SERPINB7: variants seen among roughly 807,000 people sequenced by gnomAD.
The protein encoded by SERPINB7 is serpin family B member 7.
Under a neutral mutation model 37.4 loss-of-function variants are expected in SERPINB7, and 31 were observed. The ratio of observed to expected loss-of-function variants is 0.83; its 90% CI spans 0.62 to 1.12. The LOEUF (loss-of-function observed/expected upper bound fraction) is 1.12, where lower values mean the gene tolerates loss of function less well. Ranked by LOEUF, SERPINB7 falls within the 50% of genes most tolerant of loss-of-function variation. The probability of loss-of-function intolerance (pLI) is 0.00; values close to 1 mark genes in which losing one functional copy is unlikely to be tolerated. For synonymous variants in SERPINB7, 163 were observed against 166.1 expected, an observed-to-expected ratio of 0.98 and a Z score of 0.14; for missense variants, 521 against 455.3, an observed-to-expected ratio of 1.14 and a Z score of -1.31.
intron 5 of SERPINB7, among the ~76,000 whole-genome samples, chr18:63,797,218 A>G (rs537859852): frequency 1.3e-5 from 2 of 152,332 alleles, no homozygotes; most frequent in African/African-American, 4.8e-5. Flanking sequence ...GTATTTACTA[A>G]GCCTAGCTGT....
chr18:63,798,156 C>T (rs1404173889), intron 5 of SERPINB7, among the ~76,000 whole-genome samples: 1 of 152,134 alleles, frequency 6.6e-6, no homozygotes, highest in African/African-American at 2.4e-5. Context: ...TAGCATCCAG[C>T]AAAAATTTCA....
At chr18:63,788,934 T>C (rs2049399368) in intron 2 of SERPINB7, among the ~76,000 whole-genome samples, 1 of 152,178 alleles carries the variant, frequency 6.6e-6, no homozygotes, top group Non-Finnish European at 1.5e-5. Flanking sequence ...ACTGTAACAT[T>C]CACACAATGA....
rs2658460 is a variant in SERPINB7 at position 63,805,295 on chromosome 18, C to T, written c.*660C>T. The T allele has an allele frequency of 0.16, 24,247 of 152,188 alleles. 2,975 individuals are homozygous for T. Among genetic ancestry groups the T allele is most frequent in the East Asian group, 0.46 (2,392 of 5,164 alleles). The allele number at this position is 152,188 out of a possible 1,614,324, so 9.4% of individuals were successfully genotyped here. A position where few individuals can be genotyped will look rare whatever the true frequency, so the allele number is the denominator to read the frequency against. On this transcript the variant is annotated 3_prime_UTR_variant, in exon 8 of 8. Coordinates refer to ENST00000398019, the MANE Select transcript of SERPINB7 (RefSeq NM_003784.4). ...TCTTTTAACTGTTGGCAGTTGTTATCTACAGAATCATATCTCATATGCTGT... is the reference window on the plus strand; with the variant it reads ...TCTTTTAACTGTTGGCAGTTGTTATTTACAGAATCATATCTCATATGCTGT...
At chr18:63,787,117 T>A (rs897587387) in intron 2 of SERPINB7, among the ~76,000 whole-genome samples, 1 of 152,192 alleles carries the variant, frequency 6.6e-6, no homozygotes, top group African/African-American at 2.4e-5. Context: ...TTTTTATTAA[T>A]GAAACAAAGT....
chr18:63,779,928 G>T (rs1022936418), intron 1 of SERPINB7, among the ~76,000 whole-genome samples: 3 of 151,988 alleles, frequency 2.0e-5, no homozygotes, highest in Non-Finnish European at 4.4e-5. Context: ...ATTGGAACTT[G>T]AACAAAGAAA....
chr18:63,781,028 C>G (rs2049296099), intron 1 of SERPINB7, among the ~76,000 whole-genome samples: 1 of 152,088 alleles, frequency 6.6e-6, no homozygotes, highest in Non-Finnish European at 1.5e-5. Context: ...AACTCAAACT[C>G]CCATTTGACA....
At chr18:63,803,252 A>G (rs2049568926) in intron 7 of SERPINB7, among the ~76,000 whole-genome samples, 1 of 152,164 alleles carries the variant, frequency 6.6e-6, no homozygotes, top group Non-Finnish European at 1.5e-5. Context: ...ATGAAAAAAA[A>G]AATTCCAACA....
intron 4 of SERPINB7, among the ~76,000 whole-genome samples, chr18:63,794,461 C>T (rs560338342): frequency 2.8e-4 from 42 of 152,012 alleles, no homozygotes; most frequent in Non-Finnish European, 4.3e-4. Flanking sequence ...GAGGCCGAGG[C>T]GGGCGGATCA....
At chr18:63,769,958 C>T (rs983032946) in intron 1 of SERPINB7, among the ~76,000 whole-genome samples, 7 of 151,096 alleles carry the variant, frequency 4.6e-5, no homozygotes, top group Non-Finnish European at 1.0e-4. Context: ...CACCTCACGA[C>T]TTGGTGCACA....
chr18:63,788,670 C>T (rs2049397027), intron 2 of SERPINB7, among the ~76,000 whole-genome samples: 2 of 152,238 alleles, frequency 1.3e-5, no homozygotes, highest in Admixed American at 1.3e-4. Flanking sequence ...CCCAGTGCCA[C>T]TTCCTGTCTT....
intron 2 of SERPINB7, among the ~76,000 whole-genome samples, chr18:63,790,774 C>G (rs1009431605): frequency 2.6e-5 from 4 of 152,076 alleles, no homozygotes; most frequent in Non-Finnish European, 5.9e-5. Context: ...TTTGACCCAG[C>G]CATCCCATTA....
chr18:63,781,816 T>C (rs1311571488), intron 1 of SERPINB7, among the ~76,000 whole-genome samples: 5 of 152,196 alleles, frequency 3.3e-5, no homozygotes, highest in African/African-American at 9.7e-5. Context: ...AATGCACTTA[T>C]GGGACCAATG....
At chr18:63,773,928 T>C (rs1398938469), upstream of SERPINB7, among the ~76,000 whole-genome samples, 1 of 152,144 alleles carries the variant, frequency 6.6e-6, no homozygotes, top group African/African-American at 2.4e-5. Flanking sequence ...AGTATGTGTG[T>C]CACGTGGGTC....
At chr18:63,786,102 T>TAC (rs1156901464) in intron 2 of SERPINB7, among the ~76,000 whole-genome samples, 1 of 131,636 alleles carries the variant, frequency 7.6e-6, no homozygotes, top group Admixed American at 7.9e-5. Context: ...AATATAAGTA[T>TAC]ATATATGTAT....
intron 1 of SERPINB7, among the ~76,000 whole-genome samples, chr18:63,763,591 A>C (rs1398145979): frequency 6.6e-6 from 1 of 152,236 alleles, no homozygotes; most frequent in Non-Finnish European, 1.5e-5. Context: ...AAAGGATGAT[A>C]CTAATCCAAA....
intron 2 of SERPINB7, among the ~76,000 whole-genome samples, chr18:63,788,703 G>T (rs2049397308): frequency 6.6e-6 from 1 of 152,168 alleles, no homozygotes; most frequent in Non-Finnish European, 1.5e-5. Flanking sequence ...CATGGGAAGT[G>T]CCTATACTGT....
rs2049438257 is a variant in SERPINB7 at position 63,792,403 on chromosome 18, T to G, written c.179T>G (p.Val60Gly). 1.9e-6 allele frequency: 3 copies of G among 1,603,894 alleles called. No individual in the cohort carries two copies. The highest frequency in any genetic ancestry group is 1.7e-6 in the Non-Finnish European group (2 of 1,170,764). ...GTGCCCTGTTTACAGTTGCTTCATGTTAACACTGCCTCAGGATATGGAAAC... is the reference window on the plus strand; with the variant it reads ...GTGCCCTGTTTACAGTTGCTTCATGGTAACACTGCCTCAGGATATGGAAAC... ...SLSQIDKLLH[V>G]NTASGYGNSS... Residue 60 changes from valine (V) to glycine (G), a missense_variant, in exon 3 of 8, where the codon GTT (valine) becomes GGT (glycine). Physicochemically the swap from Val to Gly is moderately radical, Grantham distance 109 (BLOSUM62 -3). Coordinates refer to ENST00000398019, the MANE Select transcript of SERPINB7 (RefSeq NM_003784.4).
intron 1 of SERPINB7, among the ~76,000 whole-genome samples, chr18:63,759,097 A>G (rs996603290): frequency 1.3e-5 from 2 of 152,248 alleles, no homozygotes; most frequent in African/African-American, 4.8e-5. Context: ...TCCTGCTATG[A>G]GTAGGCTTCA....
rs374610296 is a variant in SERPINB7 at position 63,800,902 on chromosome 18, C to T, written c.634C>T (p.Arg212Trp). The T allele has an allele frequency of 1.0e-4, 161 of 1,613,870 alleles. 1 individual carries two copies. Among genetic ancestry groups the T allele is most frequent in the East Asian group, 2.9e-4 (13 of 44,860 alleles). The change falls in exon 7 of 8, where the codon CGG becomes TGG. Residue 212 changes from arginine to tryptophan, a missense_variant. Coordinates refer to ENST00000398019, the MANE Select transcript of SERPINB7 (RefSeq NM_003784.4). ...GKAVAMMHQE[R>W]KFNLSVIEDP... The stretch of plus-strand genomic sequence containing the variant: ...GGCAGTCGCCATGATGCATCAGGAA[C>T]GGAAGTTCAATTTGTCTGTTATTGA...
Sources: gnomAD v4.1 joint callset for allele counts (sites outside exome capture counted in the v4.1 genomes callset) on GRCh38, gnomAD v4.1.1 for gene constraint, MANE v1.5 for transcripts, NCBI Gene and HGNC (gene_info 2026-07-23, HGNC 2026-07-21) for gene names.